HTR1F: variants seen among roughly 807,000 people sequenced by gnomAD.
HTR1F encodes 5-hydroxytryptamine receptor 1F, also known as 5-hydroxytryptamine (serotonin) receptor 1F, G protein-coupled.
HTR1F carries 17 observed loss-of-function variants against 24.0 expected under a neutral mutation model. The ratio of observed to expected loss-of-function variants is 0.71; its 90% CI spans 0.48 to 1.06. The LOEUF (loss-of-function observed/expected upper bound fraction) is 1.06, where lower values mean the gene tolerates loss of function less well. HTR1F is among the 50% of genes least tolerant of loss of function. The pLI is 0.00. For synonymous variants in HTR1F, 186 were observed against 156.8 expected, an observed-to-expected ratio of 1.19 and a Z score of -1.39; for missense variants, 391 against 427.8, an observed-to-expected ratio of 0.91 and a Z score of 0.76.
At chr3:87,905,788 C>T (rs1231001621) in intron 2 of HTR1F, among the ~76,000 whole-genome samples, 3 of 150,410 alleles carry the variant, frequency 2.0e-5, no homozygotes, top group Non-Finnish European at 4.4e-5. Flanking sequence ...GAGAAATAGG[C>T]ACAAAGATAG....
intron 2 of HTR1F, among the ~76,000 whole-genome samples, chr3:87,882,166 T>C (rs914302028): frequency 2.2e-4 from 33 of 152,150 alleles, no homozygotes; most frequent in African/African-American, 7.5e-4. Context: ...TGAGATATCA[T>C]CTCACACCAG....
At chr3:87,951,577 C>T (rs183045434) in intron 2 of HTR1F, among the ~76,000 whole-genome samples, 124 of 152,202 alleles carry the variant, frequency 8.1e-4, no homozygotes, top group Non-Finnish European at 1.4e-3. Context: ...CTGCCCCATA[C>T]ATGTATAGCC....
At chr3:87,946,153 G>A (rs965701171) in intron 2 of HTR1F, among the ~76,000 whole-genome samples, 13 of 152,340 alleles carry the variant, frequency 8.5e-5, no homozygotes, top group Middle Eastern at 3.4e-3. Flanking sequence ...AATCGGGAGC[G>A]GCAATGGGCG....
intron 2 of HTR1F, among the ~76,000 whole-genome samples, chr3:87,904,790 C>T (rs1462338164): frequency 6.6e-6 from 1 of 152,016 alleles, no homozygotes; most frequent in Non-Finnish European, 1.5e-5. Context: ...TACCAGTAAG[C>T]TAATCTAGAT....
chr3:87,936,951 C>G (rs562934740), intron 2 of HTR1F, among the ~76,000 whole-genome samples: 1 of 151,708 alleles, frequency 6.6e-6, no homozygotes, highest in Admixed American at 6.6e-5. Flanking sequence ...CTGAACAGAC[C>G]AATAATGAGC....
At chr3:87,792,958 C>A (rs1444513309) in intron 1 of HTR1F, among the ~76,000 whole-genome samples, 116 bp downstream of exon 1, 1 of 152,244 alleles carries the variant, frequency 6.6e-6, no homozygotes, top group Non-Finnish European at 1.5e-5. Flanking sequence ...CGCTTGCTCT[C>A]GGCGGAAACG....
intron 2 of HTR1F, among the ~76,000 whole-genome samples, chr3:87,869,211 T>C (rs933737666): frequency 6.6e-6 from 1 of 152,038 alleles, no homozygotes; most frequent in Non-Finnish European, 1.5e-5. Context: ...CACATAGCAC[T>C]TATCCTAAGT....
intron 1 of HTR1F, among the ~76,000 whole-genome samples, chr3:87,815,328 G>A (rs1412907791): frequency 5.3e-5 from 8 of 152,000 alleles, no homozygotes. Context: ...AAGTAGAAAA[G>A]ATTAATGTTT....
At chr3:87,929,911 A>G (rs184514664) in intron 2 of HTR1F, among the ~76,000 whole-genome samples, 136 of 152,274 alleles carry the variant, frequency 8.9e-4, no homozygotes, top group African/African-American at 3.1e-3. Context: ...GTTTAATAAT[A>G]CTGATTCTTT....
Position 87,862,647 on chromosome 3 carries a change from C to G in HTR1F, c.-43+40523C>G, listed in dbSNP as rs112705192. Among the ~76,000 whole-genome samples, 30 of 152,138 alleles carry G rather than the reference C, an allele frequency of 2.0e-4. 1 individual carries two copies. The highest frequency in any genetic ancestry group is 7.2e-4 in the African/African-American group (30 of 41,524). On this transcript the variant is annotated intron_variant, in intron 2 of 2. Coordinates refer to ENST00000319595, the MANE Select transcript of HTR1F (RefSeq NM_001322209.2). ...TTTTCCATGGATCTTTTCTAGAAAC[C>G]CACTCTTTATGGTCTAGTTTCTCCT...
At chr3:87,908,349 T>C (rs976668650) in intron 2 of HTR1F, among the ~76,000 whole-genome samples, 23 of 151,988 alleles carry the variant, frequency 1.5e-4, no homozygotes, top group African/African-American at 5.1e-4. Context: ...GCTAAGTTAT[T>C]ATTATGAAAT....
chr3:87,935,681 A>G (rs927963425), intron 2 of HTR1F, among the ~76,000 whole-genome samples: 4 of 152,208 alleles, frequency 2.6e-5, no homozygotes, highest in African/African-American at 9.7e-5. Context: ...TCACTGTTTC[A>G]TTAAGTTTCC....
intron 2 of HTR1F, among the ~76,000 whole-genome samples, chr3:87,926,028 T>C (rs1356557392): frequency 6.6e-6 from 1 of 152,236 alleles, no homozygotes; most frequent in African/African-American, 2.4e-5. Context: ...TGACATCCAT[T>C]ACTTACACTT....
intron 2 of HTR1F, among the ~76,000 whole-genome samples, chr3:87,838,184 A>C (rs1016230719): frequency 6.6e-6 from 1 of 152,162 alleles, no homozygotes; most frequent in African/African-American, 2.4e-5. Flanking sequence ...AGAAAGATTT[A>C]GTTAAGGGCT....
chr3:87,811,028 T>G (rs1442033451), intron 1 of HTR1F, among the ~76,000 whole-genome samples: 1 of 152,220 alleles, frequency 6.6e-6, no homozygotes, highest in African/African-American at 2.4e-5. Context: ...ATAGGCCATA[T>G]AGTAAGTACT....
chr3:87,923,997 G>T (rs1487636814), intron 2 of HTR1F, among the ~76,000 whole-genome samples: 1 of 152,020 alleles, frequency 6.6e-6, no homozygotes, highest in Non-Finnish European at 1.5e-5. Flanking sequence ...TCAGGGTAAT[G>T]CTGGCCTTGT....
intron 2 of HTR1F, among the ~76,000 whole-genome samples, chr3:87,959,258 C>T (rs770549407): frequency 2.6e-5 from 4 of 151,570 alleles, no homozygotes; most frequent in Non-Finnish European, 5.9e-5. Context: ...TGGAATAGTA[C>T]CTAAATGCTA....
intron 2 of HTR1F, 67 bp from the exon 3 acceptor site, chr3:87,990,641 A>T (rs1401830253): frequency 1.3e-6 from 1 of 750,636 alleles, no homozygotes; most frequent in Non-Finnish European, 2.2e-6. Context: ...TTTAAAAATT[A>T]TTCTGAAAGG....
chr3:87,940,973 G>C (rs1704554296), intron 2 of HTR1F, among the ~76,000 whole-genome samples: 1 of 152,168 alleles, frequency 6.6e-6, no homozygotes. Flanking sequence ...AAACAATGAG[G>C]CCAACCCTTT....
Sources: allele counts gnomAD v4.1 joint callset (sites outside exome capture counted in the v4.1 genomes callset), GRCh38; gene constraint gnomAD v4.1.1; transcripts MANE v1.5; gene names NCBI Gene and HGNC (gene_info 2026-07-23, HGNC 2026-07-21).